The following CACNA2D1 variants were observed in gnomAD, a reference collection of about 807,000 sequenced individuals.
CACNA2D1 encodes the protein voltage-dependent calcium channel subunit alpha-2/delta-1.
Under a neutral mutation model 171.5 loss-of-function variants are expected in CACNA2D1, and 53 were observed. The ratio of observed to expected loss-of-function variants is 0.31; its 90% CI spans 0.25 to 0.39. The LOEUF (loss-of-function observed/expected upper bound fraction) is 0.39, where lower values mean the gene tolerates loss of function less well. Among genes scored for constraint, CACNA2D1 ranks in the 10% least tolerant of loss-of-function variants. The pLI, the probability that CACNA2D1 is intolerant of heterozygous loss-of-function variation, is 1.00. For synonymous variants in CACNA2D1, 442 were observed against 443.1 expected, an observed-to-expected ratio of 1.00 and a Z score of 0.03; for missense variants, 903 against 1,299.8, an observed-to-expected ratio of 0.69 and a Z score of 4.69.
intron 3 of CACNA2D1, among the ~76,000 whole-genome samples, chr7:82,266,891 T>G (rs1452840459): frequency 6.6e-6 from 1 of 152,286 alleles, no homozygotes; most frequent in South Asian, 2.1e-4. Flanking sequence ...CTGTACTACC[T>G]TAAAGAAAGC....
At chr7:82,158,885 T>C (rs1462617301) in intron 4 of CACNA2D1, among the ~76,000 whole-genome samples, 1 of 151,904 alleles carries the variant, frequency 6.6e-6, no homozygotes, top group Non-Finnish European at 1.5e-5. Context: ...AAATATCCTA[T>C]TTAATAGAGT....
At chr7:82,081,113 A>T (rs573917624) in intron 7 of CACNA2D1, among the ~76,000 whole-genome samples, 2 of 152,216 alleles carry the variant, frequency 1.3e-5, no homozygotes, top group Admixed American at 6.5e-5. Flanking sequence ...CAAGTCTTCC[A>T]TGTAAAAGTT....
chr7:82,303,138 C>A (rs574749081), intron 3 of CACNA2D1, among the ~76,000 whole-genome samples: 4 of 152,042 alleles, frequency 2.6e-5, no homozygotes, highest in African/African-American at 9.7e-5. Context: ...GGACTACAGG[C>A]GCCCGCCACC....
At chr7:82,062,728 CCTTTTTTTTTTTT>C (rs1436862601) in intron 9 of CACNA2D1, among the ~76,000 whole-genome samples, 1 of 107,666 alleles carries the variant, frequency 9.3e-6, no homozygotes, top group African/African-American at 3.8e-5. Context: ...AGGTATATCT[CCTTTTTTTTTTTT>C]TTTTTTTTTT....
chr7:81,978,846 C>T (rs1033807345), intron 24 of CACNA2D1, among the ~76,000 whole-genome samples: 1 of 145,924 alleles, frequency 6.9e-6, no homozygotes, highest in African/African-American at 2.5e-5. Flanking sequence ...ATAATCAAGC[C>T]CATAAAGGGC....
chr7:82,136,532 C>G (rs975817419), intron 5 of CACNA2D1, 103 bp downstream of exon 5: 4 of 808,976 alleles, frequency 4.9e-6, no homozygotes, highest in African/African-American at 1.9e-5. Flanking sequence ...TGCAGTCTAA[C>G]ATTGTCTTAA....
chr7:82,264,663 A>G (rs2129338293), intron 3 of CACNA2D1, among the ~76,000 whole-genome samples: 1 of 152,342 alleles, frequency 6.6e-6, no homozygotes, highest in African/African-American at 2.4e-5. Context: ...TGGGCCAGGG[A>G]AAGCATATCA....
intron 4 of CACNA2D1, among the ~76,000 whole-genome samples, chr7:82,139,225 A>G (rs1054961877): frequency 2.6e-5 from 4 of 152,174 alleles, no homozygotes; most frequent in Admixed American, 2.6e-4. Context: ...AGAATTAATG[A>G]TTAGTCAATG....
intron 7 of CACNA2D1, among the ~76,000 whole-genome samples, chr7:82,074,466 G>A (rs137878917): frequency 0.024 from 3,618 of 152,206 alleles, 62 homozygotes; most frequent in Non-Finnish European, 0.039. Flanking sequence ...GACCTCAGAT[G>A]ATCCTCCCTC....
intron 3 of CACNA2D1, among the ~76,000 whole-genome samples, chr7:82,305,827 A>T (rs956046326): frequency 6.6e-6 from 1 of 152,192 alleles, no homozygotes; most frequent in Non-Finnish European, 1.5e-5. Context: ...TGCTATGAGC[A>T]ACGTAACCAA....
rs958833198 is a variant in CACNA2D1 at position 82,084,998 on chromosome 7, T to G, written c.527-98A>C. On this transcript the variant is annotated intron_variant, in intron 6 of 38. Transcript: ENST00000356860. ...AAAATAATATTAAATATGTTCATTGTTCTACCTATAAAATAACTCTAATCC... is the reference window on the plus strand; with the variant it reads ...AAAATAATATTAAATATGTTCATTGGTCTACCTATAAAATAACTCTAATCC... 5.3e-5 allele frequency: 57 copies of G among 1,067,112 alleles called. No individual in the cohort carries two copies. In the Middle Eastern group the frequency reaches 1.5e-3, roughly 27 times the overall value. 66.1% of individuals were successfully genotyped at this position (1,067,112 alleles called of 1,614,324 possible).
intron 9 of CACNA2D1, among the ~76,000 whole-genome samples, chr7:82,061,167 G>T (rs982368684): frequency 2.0e-5 from 3 of 152,072 alleles, no homozygotes; most frequent in Admixed American, 2.0e-4. Flanking sequence ...GAACCACTAC[G>T]ACTGAATGTC....
chr7:82,364,059 C>T (rs1563432605), intron 1 of CACNA2D1, among the ~76,000 whole-genome samples: 1 of 152,172 alleles, frequency 6.6e-6, no homozygotes, highest in Non-Finnish European at 1.5e-5. Flanking sequence ...CATGGCAAAA[C>T]CCTGTCTCTA....
intron 10 of CACNA2D1, among the ~76,000 whole-genome samples, chr7:82,060,222 A>ATT (rs1491236236): frequency 8.5e-5 from 5 of 58,760 alleles, no homozygotes; most frequent in Non-Finnish European, 1.5e-4. Context: ...ATATATATAT[A>ATT]ATATATATAT....
At chr7:82,041,771 T>A (rs1803990719) in intron 10 of CACNA2D1, among the ~76,000 whole-genome samples, 1 of 152,208 alleles carries the variant, frequency 6.6e-6, no homozygotes, top group African/African-American at 2.4e-5. Flanking sequence ...CAAATAAATG[T>A]TAGCATTTCC....
At chr7:82,289,834 A>G (rs962097877) in intron 3 of CACNA2D1, among the ~76,000 whole-genome samples, 68 of 152,370 alleles carry the variant, frequency 4.5e-4, no homozygotes, top group African/African-American at 1.5e-3. Context: ...ATCAGTAAAT[A>G]TTGTTGAATG....
intron 3 of CACNA2D1, among the ~76,000 whole-genome samples, chr7:82,187,744 T>C (rs980106295): frequency 2.0e-5 from 3 of 152,122 alleles, no homozygotes; most frequent in African/African-American, 7.2e-5. Flanking sequence ...ATTGCTTTGA[T>C]AATTGAGAGC....
chr7:82,346,527 A>T (rs964546845), intron 2 of CACNA2D1, among the ~76,000 whole-genome samples: 2 of 147,822 alleles, frequency 1.4e-5, no homozygotes, highest in African/African-American at 2.6e-5. Flanking sequence ...TTCTTCAGTT[A>T]GAAGACCATG....
chr7:82,151,083 A>G (rs1391422804), intron 4 of CACNA2D1, among the ~76,000 whole-genome samples: 1 of 152,174 alleles, frequency 6.6e-6, no homozygotes, highest in Non-Finnish European at 1.5e-5. Flanking sequence ...TTCTGAAAGC[A>G]ACAATCCAAA....
Sources: gnomAD v4.1 joint callset for allele counts (sites outside exome capture counted in the v4.1 genomes callset) on GRCh38, gnomAD v4.1.1 for gene constraint, MANE v1.5 for transcripts, NCBI Gene and HGNC (gene_info 2026-07-23, HGNC 2026-07-21) for gene names.